Variants in BEAN1 observed in about 807,000 individuals in gnomAD.
BEAN1 encodes protein BEAN1.
In BEAN1, 17 loss-of-function variants were observed where a neutral mutation model predicts 17.7. The observed-to-expected ratio is 0.96, with a 90% confidence interval of 0.66 to 1.44. BEAN1 has a LOEUF of 1.44. BEAN1 is among the 40% of genes most tolerant of loss of function. The pLI is 0.00. For synonymous variants in BEAN1, 142 were observed against 151.8 expected, an observed-to-expected ratio of 0.94 and a Z score of 0.47; for missense variants, 359 against 374.1, an observed-to-expected ratio of 0.96 and a Z score of 0.33.
downstream of BEAN1, chr16:66,493,650 T>A (rs1964208689): frequency 2.1e-6 from 1 of 476,230 alleles, no homozygotes; most frequent in Non-Finnish European, 3.7e-6. Context: ...GGGCAGCCCC[T>A]GGTCTCGGAT....
chr16:66,491,425 G>A (rs1291997824), intron 4 of BEAN1, among the ~76,000 whole-genome samples: 2 of 152,210 alleles, frequency 1.3e-5, no homozygotes, highest in Non-Finnish European at 2.9e-5. Flanking sequence ...TTCAGCCAGG[G>A]GTTGGGGCTC....
At chr16:66,453,342 T>TAC (rs34867737) in intron 2 of BEAN1, among the ~76,000 whole-genome samples, 15,137 of 147,632 alleles carry the variant, frequency 0.1, 1,257 homozygotes, top group East Asian at 0.25. Context: ...CATTCTGTTA[T>TAC]ACACACACAC....
In BEAN1 at chr16:66,437,585, GTCTCC is replaced by G. The variant is rs1962077546; in HGVS notation, c.-82-9_-82-5del. ...GGCCCCCCAACACCTGCCTGTTTGT[GTCTCC>G]GCAGGTGAGTGGAGGGGCCTTCCCT... On this transcript the variant is annotated splice_polypyrimidine_tract_variant and splice_region_variant and intron_variant, in intron 1 of 4. Transcript: ENST00000536005. 7.1e-7 allele frequency: 1 copy of G among 1,411,274 alleles called. No individual in the cohort carries two copies. The highest frequency in any genetic ancestry group is 9.6e-7 in the Non-Finnish European group (1 of 1,045,718). 87.4% of individuals were successfully genotyped at this position (1,411,274 alleles called of 1,614,324 possible).
intron 1 of BEAN1, among the ~76,000 whole-genome samples, chr16:66,429,461 G>A (rs555143065): frequency 5.5e-4 from 83 of 152,260 alleles, no homozygotes; most frequent in African/African-American, 1.8e-3. Flanking sequence ...GGCAAGGAGC[G>A]GGTGGGCGGG....
At chr16:66,489,393 C>G (rs1454704608) in intron 4 of BEAN1, among the ~76,000 whole-genome samples, 2 of 152,292 alleles carry the variant, frequency 1.3e-5, no homozygotes, top group Non-Finnish European at 2.9e-5. Flanking sequence ...TGACCCCAGG[C>G]TGTGATCATG....
downstream of BEAN1, chr16:66,483,257 T>C (rs1964036508): frequency 5.8e-6 from 1 of 173,812 alleles, no homozygotes; most frequent in South Asian, 1.1e-4. Context: ...CCTTGTCATT[T>C]TCCTGTTGAT....
chr16:66,493,723 A>G (rs973305251), downstream of BEAN1, among the ~76,000 whole-genome samples: 2 of 152,086 alleles, frequency 1.3e-5, no homozygotes, highest in Non-Finnish European at 2.9e-5. Context: ...CAGGTCCCCA[A>G]TCTCCAGGGC....
At chr16:66,461,744 G>A (rs1417587535) in intron 2 of BEAN1, among the ~76,000 whole-genome samples, 1 of 152,180 alleles carries the variant, frequency 6.6e-6, no homozygotes, top group African/African-American at 2.4e-5. Context: ...ACATTCCAGA[G>A]CCCCATCGGG....
intron 2 of BEAN1, among the ~76,000 whole-genome samples, chr16:66,442,878 A>G (rs1379859139): frequency 6.6e-6 from 1 of 152,184 alleles, no homozygotes; most frequent in Non-Finnish European, 1.5e-5. Context: ...AGAGAGAGAT[A>G]GGGACTCTTG....
rs1182524086 is a variant in BEAN1 at position 66,427,900 on chromosome 16, G to A, written c.-83+469G>A. On this transcript the variant is annotated intron_variant, in intron 1 of 4. Transcript: ENST00000536005. This position sits in a 1 kb window ranked among gnomAD's most constrained non-coding sequence, Gnocchi z 4.7. ...GAGAGGAAAGGGGCTGGGGCTTCAC[G>A]GAGTTTGGAGTTTGAACCCACCCGC... 1 of 152,262 alleles carries A rather than the reference G, an allele frequency of 6.6e-6. No homozygotes were observed. The highest frequency in any genetic ancestry group is 1.5e-5 in the Non-Finnish European group (1 of 68,118). 9.4% of individuals were successfully genotyped at this position (152,262 alleles called of 1,614,324 possible). A position where few individuals can be genotyped will look rare whatever the true frequency, so the allele number is the denominator to read the frequency against.
chr16:66,466,150 C>T (rs900139845), intron 2 of BEAN1, among the ~76,000 whole-genome samples: 20 of 152,144 alleles, frequency 1.3e-4, no homozygotes, highest in African/African-American at 4.3e-4. Flanking sequence ...AACTTCTGGG[C>T]CGGGCGTGGT....
intron 2 of BEAN1, chr16:66,437,941 G>A: frequency 1.6e-6 from 1 of 613,350 alleles, no homozygotes; most frequent in South Asian, 1.9e-5. Context: ...CCTTCCCGAA[G>A]TGTGGATCGG....
downstream of BEAN1, chr16:66,484,365 A>C: frequency 5.8e-6 from 2 of 344,426 alleles, no homozygotes; most frequent in South Asian, 2.3e-5. This position sits in a 1 kb window ranked among gnomAD's most constrained non-coding sequence, Gnocchi z 4.2. Flanking sequence ...AAGACTTAGG[A>C]TCCCACAGGC....
At chr16:66,463,626 C>G (rs1597018993) in intron 2 of BEAN1, among the ~76,000 whole-genome samples, 1 of 152,206 alleles carries the variant, frequency 6.6e-6, no homozygotes, top group East Asian at 1.9e-4. Flanking sequence ...CTTTGCTGCA[C>G]TAGTTTTTAA....
chr16:66,457,707 C>G (rs72788583), intron 2 of BEAN1, among the ~76,000 whole-genome samples: 1,682 of 152,186 alleles, frequency 0.011, 20 homozygotes, highest in African/African-American at 0.02. Context: ...CCTGGCCTGT[C>G]CCCAGACCTC....
chr16:66,494,052 G>A (rs536889977), downstream of BEAN1, among the ~76,000 whole-genome samples: 1 of 152,266 alleles, frequency 6.6e-6, no homozygotes, highest in East Asian at 1.9e-4. Flanking sequence ...CCCCCAGTGG[G>A]GGCTGGTGGC....
intron 2 of BEAN1, among the ~76,000 whole-genome samples, chr16:66,458,861 C>T (rs185927473): frequency 5.9e-5 from 9 of 152,188 alleles, no homozygotes; most frequent in African/African-American, 2.2e-4. Flanking sequence ...GTTCCCAGTC[C>T]CAGCCCTGGA....
At chr16:66,446,585 T>A (rs1391918298) in intron 2 of BEAN1, among the ~76,000 whole-genome samples, 1 of 151,914 alleles carries the variant, frequency 6.6e-6, no homozygotes, top group Non-Finnish European at 1.5e-5. Flanking sequence ...GGACTGTCAG[T>A]GTGTGAATGC....
At chr16:66,451,447 TA>T (rs1315592964) in intron 2 of BEAN1, 8 of 152,244 alleles carry the variant, frequency 5.3e-5, no homozygotes, top group Non-Finnish European at 1.0e-4. Context: ...TTTATTTTAA[TA>T]TAGTCCAATG....
Sources: gnomAD v4.1 joint callset for allele counts (sites outside exome capture counted in the v4.1 genomes callset) on GRCh38, gnomAD v4.1.1 for gene constraint, Gnocchi (gnomAD v3.1) non-coding constraint, MANE v1.5 for transcripts, NCBI Gene and HGNC (gene_info 2026-07-23, HGNC 2026-07-21) for gene names.